Variants in CA10 observed in about 807,000 individuals in gnomAD.
CA10 encodes carbonic anhydrase-related protein 10.
A neutral mutation model predicts 44.2 loss-of-function variants in CA10; 14 were observed. That is an observed-to-expected ratio of 0.32 (90% CI 0.21 to 0.50). The LOEUF is 0.50. Among genes scored for constraint, CA10 ranks in the 20% least tolerant of loss-of-function variants. The pLI is 0.99. For synonymous variants in CA10, 159 were observed against 141.6 expected (o/e 1.12, Z -0.87); for missense variants, 350 against 409.7 (o/e 0.85, Z 1.26).
chr17:52,136,741 A>G (rs1205397824), intron 1 of CA10, among the ~76,000 whole-genome samples: 1 of 152,276 alleles, frequency 6.6e-6, no homozygotes, highest in Non-Finnish European at 1.5e-5. Flanking sequence ...ATTAACATAA[A>G]CAATATCACT....
intron 4 of CA10, among the ~76,000 whole-genome samples, chr17:51,687,488 T>C (rs994691383): frequency 6.6e-6 from 1 of 152,152 alleles, no homozygotes; most frequent in African/African-American, 2.4e-5. Context: ...TAAATATATG[T>C]TGAATGAATG....
At chr17:51,631,936 G>T (rs1413105532) in intron 8 of CA10, among the ~76,000 whole-genome samples, 1 of 152,188 alleles carries the variant, frequency 6.6e-6, no homozygotes, top group Admixed American at 6.6e-5. Context: ...ATTGGGCAGT[G>T]CAGGATAGTC....
intron 4 of CA10, among the ~76,000 whole-genome samples, chr17:51,694,200 G>A (rs4588026): frequency 0.074 from 11,105 of 149,672 alleles, 1,383 homozygotes; most frequent in African/African-American, 0.26. Context: ...GCGAAACTCC[G>A]TCTCGGAAAA....
intron 2 of CA10, among the ~76,000 whole-genome samples, chr17:51,936,179 GAGGACCTACTATGTGTC>G (rs1187500260): frequency 2.0e-5 from 3 of 152,268 alleles, no homozygotes; most frequent in African/African-American, 7.2e-5. Context: ...AATCTTTACT[GAGGACCTACTATGTGTC>G]AGGCACTGCC....
At chr17:51,812,047 C>T (rs1258613288) in intron 3 of CA10, among the ~76,000 whole-genome samples, 1 of 152,186 alleles carries the variant, frequency 6.6e-6, no homozygotes, top group Admixed American at 6.5e-5. Context: ...GCAATACACT[C>T]AACCTGTTCA....
intron 3 of CA10, among the ~76,000 whole-genome samples, chr17:51,919,889 T>A (rs185082154): frequency 2.7e-4 from 41 of 152,198 alleles, no homozygotes; most frequent in Middle Eastern, 3.4e-3. Flanking sequence ...CCTGACCCCA[T>A]GATCTGCCTG....
At chr17:51,803,039 C>A (rs1472331264) in intron 3 of CA10, among the ~76,000 whole-genome samples, 1 of 152,196 alleles carries the variant, frequency 6.6e-6, no homozygotes, top group Non-Finnish European at 1.5e-5. Context: ...AATTAACATG[C>A]TACTCCGGGT....
chr17:51,911,184 A>G (rs73987309), intron 3 of CA10, among the ~76,000 whole-genome samples: 5,650 of 152,224 alleles, frequency 0.037, 144 homozygotes, highest in African/African-American at 0.073. Flanking sequence ...ACCCTGGGCC[A>G]TAGAATACAT....
intron 3 of CA10, among the ~76,000 whole-genome samples, chr17:51,752,132 G>C (rs1904914070): frequency 6.6e-6 from 1 of 151,922 alleles, no homozygotes; most frequent in Non-Finnish European, 1.5e-5. Flanking sequence ...ACATTAATTT[G>C]TATTAATCAA....
intron 4 of CA10, among the ~76,000 whole-genome samples, chr17:51,744,106 G>C (rs1904572077): frequency 6.6e-6 from 1 of 152,032 alleles, no homozygotes; most frequent in Non-Finnish European, 1.5e-5. Context: ...GATCACTTGA[G>C]GTCAGGAATT....
intron 3 of CA10, among the ~76,000 whole-genome samples, chr17:51,845,817 C>T (rs1443715642): frequency 3.3e-5 from 5 of 152,274 alleles, no homozygotes; most frequent in South Asian, 2.1e-4. Flanking sequence ...AAATAAAGGG[C>T]GACTGGCTTC....
At chr17:51,662,095 G>A (rs1474193407) in intron 4 of CA10, among the ~76,000 whole-genome samples, 2 of 152,210 alleles carry the variant, frequency 1.3e-5, no homozygotes, top group African/African-American at 4.8e-5. Flanking sequence ...ATATTTTCCA[G>A]TAAGTGTTCT....
At chr17:52,064,278 A>G (rs569711545) in intron 2 of CA10, among the ~76,000 whole-genome samples, 33 of 152,290 alleles carry the variant, frequency 2.2e-4, no homozygotes, top group African/African-American at 7.7e-4. Flanking sequence ...GCCTTATGGG[A>G]CTCAGTAGAG....
chr17:51,682,317 G>A (rs1914874477), intron 4 of CA10, among the ~76,000 whole-genome samples: 1 of 152,192 alleles, frequency 6.6e-6, no homozygotes, highest in Non-Finnish European at 1.5e-5. Flanking sequence ...GTTGGGCCAA[G>A]GCACAAGCTG....
chr17:51,705,738 G>A (rs909640835), intron 4 of CA10, among the ~76,000 whole-genome samples: 21 of 152,134 alleles, frequency 1.4e-4, no homozygotes, highest in Non-Finnish European at 2.5e-4. Flanking sequence ...AAACCTTAAG[G>A]GGGAGGACCC....
chr17:52,038,847 T>C (rs1246671167), intron 2 of CA10, among the ~76,000 whole-genome samples: 2 of 152,190 alleles, frequency 1.3e-5, no homozygotes, highest in Non-Finnish European at 2.9e-5. Context: ...CAAAACATGA[T>C]TGCAATTAAG....
intron 4 of CA10, among the ~76,000 whole-genome samples, chr17:51,689,509 T>G: frequency 6.6e-6 from 1 of 152,258 alleles, no homozygotes; most frequent in East Asian, 1.9e-4. Context: ...CCGTGTGTAC[T>G]TATTTCTACT....
intron 3 of CA10, among the ~76,000 whole-genome samples, chr17:51,918,534 T>G (rs866335607): frequency 4.3e-4 from 66 of 152,322 alleles, no homozygotes; most frequent in Middle Eastern, 6.8e-3. Context: ...TACCTTCATC[T>G]TATGATATTG....
chr17:52,100,044 A>G (rs562136346), intron 1 of CA10, among the ~76,000 whole-genome samples: 3 of 152,340 alleles, frequency 2.0e-5, no homozygotes, highest in Non-Finnish European at 4.4e-5. Context: ...TGTAGATAAT[A>G]AGCTCAAGAT....
Sources: gnomAD v4.1 joint callset for allele counts (sites outside exome capture counted in the v4.1 genomes callset) on GRCh38, gnomAD v4.1.1 for gene constraint, MANE v1.5 for transcripts, NCBI Gene and HGNC (gene_info 2026-07-23, HGNC 2026-07-21) for gene names.